CHD8: variants seen among roughly 807,000 people sequenced by gnomAD.
CHD8 encodes ATP-dependent chromatin remodeler CHD8.
A neutral mutation model predicts 279.2 loss-of-function variants in CHD8; 31 were observed. That is an observed-to-expected ratio of 0.11 (90% CI 0.08 to 0.15). The LOEUF is 0.15. Ranked by LOEUF, CHD8 falls within the 10% of genes least tolerant of loss-of-function variation. The pLI is 1.00. For missense variants in CHD8, 2,146 were observed against 3,230.5 expected (o/e 0.66, Z 8.14); for synonymous variants, 1,081 against 1,139.6 (o/e 0.95, Z 1.04).
Position 21,409,872 on chromosome 14 carries a change from C to T in CHD8, c.2343G>A (p.Arg781=). 1.2e-6 allele frequency: 2 copies of T among 1,613,624 alleles called. No individual in the cohort carries two copies. Among genetic ancestry groups the T allele is most frequent in the South Asian group, 2.2e-5 (2 of 91,022 alleles). ...TTACCACCCTTTTGAGTTCTGGGTG[C>T]CTTGACTGAATCCGTTTAAATTCTC... ...KIREFKRIQS[R]HPELKRVNRP... is the part of the protein sequence containing the mutation. The change falls in exon 11 of 38, where the codon AGG becomes AGA. Residue 781 remains arginine, a synonymous_variant. Transcript: ENST00000646647.
rs1292793567 is a variant in CHD8, at chr14:21,431,826, T to C, written c.-183A>G. 1.2e-6 allele frequency: 2 copies of C among 1,613,340 alleles called. No homozygotes were observed. Among genetic ancestry groups the C allele is most frequent in the East Asian group, 2.2e-5 (1 of 44,878 alleles). Reference sequence around the variant, plus strand: ...TTGTCCTGACCTTCATGGAGCAAGATGGCTACGTCTTCAGAGGAAGATGGT... The same window carrying C: ...TTGTCCTGACCTTCATGGAGCAAGACGGCTACGTCTTCAGAGGAAGATGGT... On this transcript the variant is annotated 5_prime_UTR_variant, in exon 2 of 38. Coordinates refer to ENST00000646647, the MANE Select transcript of CHD8 (RefSeq NM_001170629.2).
chr14:21,414,488 G>T, intron 8 of CHD8, 70 bp from the exon 9 acceptor site: 1 of 833,016 alleles, frequency 1.2e-6, no homozygotes, highest in Non-Finnish European at 2.0e-6. Flanking sequence ...CTGAAATTTT[G>T]GGATTAGTCA....
rs1017515959 is a variant in CHD8 at position 21,454,122 on chromosome 14, C to G, written c.-216+1910G>C. 2.0e-5 allele frequency among the ~76,000 whole-genome samples: 3 copies of G among 148,780 alleles called. No homozygotes were observed. The Admixed American group carries it at 2.0e-4, about 10-fold the overall frequency. On this transcript the variant is annotated intron_variant, in intron 1 of 37. Transcript: ENST00000646647. The stretch of plus-strand genomic sequence containing the variant: ...GCAGTGAGCCGAGATCCTGCCACTG[C>G]ACTCCAGCCTGGGTGACAGAGCAAG...
chr14:21,421,369 A>AACTGCCATCTAGTATTCT lies in CHD8; in HGVS notation c.1716+4741_1716+4758dup, dbSNP rs370314908. Among the ~76,000 whole-genome samples, 13 of 151,804 alleles carry AACTGCCATCTAGTATTCT rather than the reference A, an allele frequency of 8.6e-5. No individual in the cohort carries two copies. In the South Asian group the frequency reaches 2.7e-3, roughly 32 times the overall value. ...CATTCCAACCTACTTCATTGTTTTT[A>AACTGCCATCTAGTATTCT]ACTGCCATCTAGTATTCTACTGCCA... On this transcript the variant is annotated intron_variant, in intron 5 of 37. Transcript: ENST00000646647.
chr14:21,391,163 CATAG>C lies in CHD8; in HGVS notation c.7066-104_7066-101del. 1.9e-5 allele frequency: 16 copies of C among 834,808 alleles called. No individual in the cohort carries two copies. In the South Asian group the frequency reaches 2.5e-4, roughly 13 times the overall value. 51.7% of individuals were successfully genotyped at this position (834,808 alleles called of 1,614,324 possible). A position where few individuals can be genotyped will look rare whatever the true frequency, so the allele number is the denominator to read the frequency against. On this transcript the variant is annotated intron_variant, in intron 36 of 37. Coordinates refer to ENST00000646647, the MANE Select transcript of CHD8 (RefSeq NM_001170629.2). Reference sequence around the variant, plus strand: ...TTTGTTTGATAATAAACACTTATTACATAGATAAAGGATTCATCCTAGTGGAAAA... The same window carrying C: ...TTTGTTTGATAATAAACACTTATTACATAAAGGATTCATCCTAGTGGAAAA...
chr14:21,423,640 G>A (rs1332265677), intron 5 of CHD8, among the ~76,000 whole-genome samples: 1 of 152,036 alleles, frequency 6.6e-6, no homozygotes, highest in Non-Finnish European at 1.5e-5. Context: ...GGGCTCAAGA[G>A]ATCCTCCTGC....
intron 5 of CHD8, among the ~76,000 whole-genome samples, chr14:21,421,757 C>T (rs1363589510): frequency 6.6e-6 from 1 of 152,226 alleles, no homozygotes; most frequent in Non-Finnish European, 1.5e-5. Context: ...AGCCCCTAAC[C>T]CCCAGTACCT....
rs1476070534 is a variant in CHD8 at position 21,429,112 on chromosome 14, T to A, written c.1067A>T (p.Gln356Leu). Residue 356 changes from glutamine to leucine, a missense_variant, in exon 3 of 38, where the codon CAA becomes CTA. Physicochemically the swap from Gln to Leu is moderately radical, Grantham distance 113 (BLOSUM62 -2). Transcript: ENST00000646647. Reference sequence around the variant, plus strand: ...GGGCTGTGGCTGCGATGATGGTGGTTGTGGTACAATCTGGATTTTTTGCTG... The same window carrying A: ...GGGCTGTGGCTGCGATGATGGTGGTAGTGGTACAATCTGGATTTTTTGCTG... ...QPQQKIQIVP[Q>L]PPSSQPQPQQ... The A allele has an allele frequency of 6.2e-7, 1 of 1,613,880 alleles. No individual in the cohort carries two copies. The highest frequency in any genetic ancestry group is 1.3e-5 in the African/African-American group (1 of 74,926).
chr14:21,431,219 G>A lies in CHD8; in HGVS notation c.425C>T (p.Ala142Val), dbSNP rs766157586. ...CCCTCCAGCACTACTGGAGGAGACA[G>A]CTGTGGCAGAGACACCCATGAAAGG... The part of the protein sequence containing the change: ...GNPFMGVSAT[A>V]VSSSSAGGQP... The change falls in exon 2 of 38, where the codon GCT becomes GTT. Residue 142 changes from alanine (A) to valine (V), a missense_variant. Physicochemically the swap from Ala to Val is moderately conservative, Grantham distance 64. Coordinates refer to ENST00000646647, the MANE Select transcript of CHD8 (RefSeq NM_001170629.2). 1 of 1,599,048 alleles carries A rather than the reference G, an allele frequency of 6.3e-7. No homozygotes were observed. Among genetic ancestry groups the A allele is most frequent in the East Asian group, 2.2e-5 (1 of 44,858 alleles).
At position 21,431,340 on chromosome 14, in the gene CHD8, G is replaced by GGCT. The variant is rs1889555972; in HGVS notation, c.301_303dup (p.Ser101dup). The GGCT allele has an allele frequency of 6.5e-7, 1 of 1,538,988 alleles. No homozygotes were observed. Among genetic ancestry groups the GGCT allele is most frequent in the Non-Finnish European group, 8.7e-7 (1 of 1,147,992 alleles). On this transcript the variant is annotated inframe_insertion, in exon 2 of 38. Coordinates refer to ENST00000646647, the MANE Select transcript of CHD8 (RefSeq NM_001170629.2). ...AAGACAGGTTGGGCTGGCTGCTCCT[G>GGCT]GCTGGCAGGCTGAGTGGTATAATCA...
intron 1 of CHD8, among the ~76,000 whole-genome samples, chr14:21,443,855 C>CA (rs369671712): frequency 0.21 from 9,581 of 45,944 alleles, 875 homozygotes; most frequent in Non-Finnish European, 0.26. Flanking sequence ...GACTCCGTCT[C>CA]AAAAAAAAAA....
intron 2 of CHD8, chr14:21,429,601 C>A: frequency 1.9e-6 from 1 of 540,452 alleles, no homozygotes; most frequent in Non-Finnish European, 3.5e-6. Flanking sequence ...TGCTGCCCTG[C>A]TCCGTTTCCA....
At chr14:21,410,132 A>G in intron 10 of CHD8, 144 bp from the exon 11 acceptor site, 1 of 663,998 alleles carries the variant, frequency 1.5e-6, no homozygotes, top group Non-Finnish European at 2.4e-6. Context: ...CACATCGACC[A>G]AAAGTTCACC....
Position 21,413,014 on chromosome 14 carries a change from C to A in CHD8, c.2143-18G>T. 1 of 1,489,048 alleles carries A rather than the reference C, an allele frequency of 6.7e-7. No homozygotes were observed. Among genetic ancestry groups the A allele is most frequent in the Non-Finnish European group, 9.4e-7 (1 of 1,068,270 alleles). The allele number at this position is 1,489,048 out of a possible 1,614,324, so 92.2% of individuals were successfully genotyped here. A position where few individuals can be genotyped will look rare whatever the true frequency, so the allele number is the denominator to read the frequency against. On this transcript the variant is annotated intron_variant, in intron 9 of 37. Transcript: ENST00000646647. ...TCTTCATCCTAGATGAGTTAGGAAA[C>A]CAAACAATAAGACCAAAAGATCACT... is the stretch of plus-strand genomic sequence containing the variant.
chr14:21,426,136 T>G lies in CHD8; in HGVS notation c.1708A>C (p.Ser570Arg). 6.3e-7 allele frequency: 1 copy of G among 1,593,654 alleles called. No homozygotes were observed. The change falls in exon 5 of 38, where the codon AGC (serine) becomes CGC (arginine). Residue 570 changes from serine (S) to arginine (R), a missense_variant. This residue lies in a region of CHD8 where 123 missense variants were observed against 169.2 expected (regional missense o/e 0.73). Transcript: ENST00000646647. ...TTTTGGGATCCTTTTACCTGAATGCTGCTTTCTTCATCTTCTCGAGGTGAC... is the reference window on the plus strand; with the variant it reads ...TTTTGGGATCCTTTTACCTGAATGCGGCTTTCTTCATCTTCTCGAGGTGAC... ...AQSPREDEES[S>R]IQKRRSNRQV...
chr14:21,428,941 T>A, intron 3 of CHD8, 23 bp downstream of exon 3: 5 of 1,612,166 alleles, frequency 3.1e-6, no homozygotes, highest in Non-Finnish European at 4.2e-6. Context: ...TTCTTTCTTT[T>A]CCTTACTATG....
intron 37 of CHD8, among the ~76,000 whole-genome samples, chr14:21,386,592 C>T (rs752966411): frequency 2.0e-5 from 3 of 152,212 alleles, no homozygotes; most frequent in African/African-American, 4.8e-5. Context: ...AATCCCAGCA[C>T]TTTGGGAGGC....
chr14:21,448,804 C>G (rs1440715303), intron 1 of CHD8, among the ~76,000 whole-genome samples: 1 of 150,958 alleles, frequency 6.6e-6, no homozygotes, highest in Non-Finnish European at 1.5e-5. Flanking sequence ...ACCTCATGAT[C>G]CACCCGCCTC....
intron 5 of CHD8, among the ~76,000 whole-genome samples, chr14:21,422,959 C>T (rs551505325): frequency 7.2e-5 from 11 of 152,062 alleles, no homozygotes; most frequent in South Asian, 2.1e-4. Context: ...ACGTGGCTCA[C>T]GCCTCTAATG....
Sources: gnomAD v4.1 joint callset for allele counts (sites outside exome capture counted in the v4.1 genomes callset) on GRCh38, gnomAD v4.1.1 for gene constraint, gnomAD v4.1.1 regional missense constraint, MANE v1.5 for transcripts, NCBI Gene and HGNC (gene_info 2026-07-23, HGNC 2026-07-21) for gene names.